The following MYH3 variants were observed in gnomAD, a reference collection of about 807,000 sequenced individuals.
MYH3 encodes the protein myosin heavy chain 3, also known as myosin-3.
MYH3 carries 130 observed loss-of-function variants against 238.0 expected under a neutral mutation model. The ratio of observed to expected loss-of-function variants is 0.55; its 90% CI spans 0.47 to 0.63. The LOEUF is 0.63. Ranked by LOEUF, MYH3 falls within the 30% of genes least tolerant of loss-of-function variation. MYH3 has a pLI of 0.00. For missense variants in MYH3, 1,853 were observed against 2,374.9 expected (o/e 0.78, Z 4.57); for synonymous variants, 880 against 924.1 (o/e 0.95, Z 0.86).
chr17:10,651,306 T>C (rs1407471639), intron 5 of MYH3, among the ~76,000 whole-genome samples: 1 of 152,194 alleles, frequency 6.6e-6, no homozygotes, highest in Non-Finnish European at 1.5e-5. Flanking sequence ...GTTTTGCATA[T>C]TCTAACTTGC....
Position 10,639,449 on chromosome 17 carries a change from G to T in MYH3, c.2951C>A (p.Ser984Tyr). ...NKVKNLTEEL[S>Y]GLDETIAKLT... Reference sequence around the variant, plus strand: ...CTTTGCAATTGTTTCATCTAACCCAGAGAGTTCCTCAGTAAGGTTTTTAAC... The same window carrying T: ...CTTTGCAATTGTTTCATCTAACCCATAGAGTTCCTCAGTAAGGTTTTTAAC... Residue 984 changes from serine to tyrosine, a missense_variant, in exon 24 of 41, where the codon TCT becomes TAT. Around this residue, in one of 3 missense-constraint regions of MYH3, gnomAD observed 1,044 missense variants for 1,192.6 expected, o/e 0.88. Transcript: ENST00000583535. The T allele has an allele frequency of 6.2e-7, 1 of 1,614,036 alleles. No individual in the cohort carries two copies. Among genetic ancestry groups the T allele is most frequent in the Non-Finnish European group, 8.5e-7 (1 of 1,179,988 alleles).
rs1156756134 is a variant in MYH3, at chr17:10,642,079, C to A, written c.1959+161G>T. Reference sequence around the variant, plus strand: ...TACTCTCATCGCACATTGGTTAGACCGTATTTATTATATTTTATCATCTGT... The same window carrying A: ...TACTCTCATCGCACATTGGTTAGACAGTATTTATTATATTTTATCATCTGT... On this transcript the variant is annotated intron_variant, in intron 17 of 40. Coordinates refer to ENST00000583535, the MANE Select transcript of MYH3 (RefSeq NM_002470.4). This position sits in a 1 kb window ranked among gnomAD's most constrained non-coding sequence, Gnocchi z 5.4. Among the ~76,000 whole-genome samples the A allele has an allele frequency of 6.7e-6, 1 of 149,232 alleles. No homozygotes were observed. Among genetic ancestry groups the A allele is most frequent in the Non-Finnish European group, 1.5e-5 (1 of 67,138 alleles).
At position 10,648,496 on chromosome 17, in the gene MYH3, G is replaced by T. The variant is rs2074344532; in HGVS notation, c.735+61C>A. 2.9e-6 allele frequency: 4 copies of T among 1,373,892 alleles called. 1 individual carries two copies. The Admixed American group carries it at 6.7e-5, about 23-fold the overall frequency. 85.1% of individuals were successfully genotyped at this position (1,373,892 alleles called of 1,614,324 possible). A position where few individuals can be genotyped will look rare whatever the true frequency, so the allele number is the denominator to read the frequency against. ...CTGGTCTCTACACTCTTTGAGGACA[G>T]GGCTCTTGCCTATTTTGTGAGGCAC... is the stretch of plus-strand genomic sequence containing the variant. On this transcript the variant is annotated intron_variant, in intron 8 of 40. Coordinates refer to ENST00000583535, the MANE Select transcript of MYH3 (RefSeq NM_002470.4).
chr17:10,670,499 G>C, the MYH3 span, among the ~76,000 whole-genome samples: 2 of 152,086 alleles, frequency 1.3e-5, no homozygotes, highest in African/African-American at 2.4e-5. This position sits in a 1 kb window ranked among gnomAD's most constrained non-coding sequence, Gnocchi z 7.0. Context: ...TTTGAGATGG[G>C]GGTCTCACTG....
rs2074412213 is a variant in MYH3 at position 10,654,759 on chromosome 17, G to A, written c.204+102C>T. ...CATTGTATGCGGCATTCCAGTGCTG[G>A]AACCACATCTGGAAGTGGCTGGGGT... On this transcript the variant is annotated intron_variant, in intron 3 of 40. Coordinates refer to ENST00000583535, the MANE Select transcript of MYH3 (RefSeq NM_002470.4). This position sits in a 1 kb window ranked among gnomAD's most constrained non-coding sequence, Gnocchi z 4.5. 1.8e-6 allele frequency: 2 copies of A among 1,102,802 alleles called. No individual in the cohort carries two copies. The highest frequency in any genetic ancestry group is 2.5e-5 in the South Asian group (2 of 80,522). 68.3% of individuals were successfully genotyped at this position (1,102,802 alleles called of 1,614,324 possible). A position where few individuals can be genotyped will look rare whatever the true frequency, so the allele number is the denominator to read the frequency against.
rs980524451 is a variant in MYH3 at position 10,631,650 on chromosome 17, T to C, written c.5247A>G (p.Ala1749=). Reference sequence around the variant, plus strand: ...TCTTGGCCTTCTCCTCAGCGTTCCTTGCATCCCTGCTGGCATCTTCTACCT... The same window carrying C: ...TCTTGGCCTTCTCCTCAGCGTTCCTCGCATCCCTGCTGGCATCTTCTACCT... ...QSEVEDASRD[A]RNAEEKAKKA... Residue 1749 remains alanine, a synonymous_variant, in exon 36 of 41, where the codon GCA becomes GCG. Coordinates refer to ENST00000583535, the MANE Select transcript of MYH3 (RefSeq NM_002470.4). 1.2e-6 allele frequency: 2 copies of C among 1,614,136 alleles called. No individual in the cohort carries two copies. The highest frequency in any genetic ancestry group is 1.7e-6 in the Non-Finnish European group (2 of 1,180,012).
In MYH3 at chr17:10,654,241, CTTT is replaced by C. The variant is rs1288126084; in HGVS notation, c.204+617_204+619del. Reference sequence around the variant, plus strand: ...TCCATCTCTCTTTCACTCTTTCTTTCTTTTTTCCTTTTTTTGCTTTTTACTTTT... The same window carrying C: ...TCCATCTCTCTTTCACTCTTTCTTTCTTTCCTTTTTTTGCTTTTTACTTTT... On this transcript the variant is annotated intron_variant, in intron 3 of 40. Transcript: ENST00000583535. The surrounding 1 kb of genome is among the most constrained non-coding windows in gnomAD (Gnocchi z 4.5). Among the ~76,000 whole-genome samples, 5 of 145,108 alleles carry C rather than the reference CTTT, an allele frequency of 3.4e-5. No homozygotes were observed. Among genetic ancestry groups the C allele is most frequent in the Non-Finnish European group, 7.5e-5 (5 of 66,346 alleles).
chr17:10,650,892 G>A (rs960269781), intron 5 of MYH3, among the ~76,000 whole-genome samples: 5 of 152,124 alleles, frequency 3.3e-5, no homozygotes, highest in Non-Finnish European at 7.4e-5. Flanking sequence ...TCTCCACTCA[G>A]AATCAGCCAG....
chr17:10,653,896 C>G (rs1400004210), intron 3 of MYH3, among the ~76,000 whole-genome samples: 1 of 152,190 alleles, frequency 6.6e-6, no homozygotes, highest in African/African-American at 2.4e-5. Context: ...TTCTTAGCTC[C>G]TTATTGGAAA....
In MYH3 at chr17:10,646,908, T is replaced by G. The variant is rs527914782; in HGVS notation, c.898+274A>C. On this transcript the variant is annotated intron_variant, in intron 10 of 40. Coordinates refer to ENST00000583535, the MANE Select transcript of MYH3 (RefSeq NM_002470.4). ...ACAAAAAACACAAAAGGTAGCCTGG[T>G]GTGGGGGCATGCACCTGTAGTCGCA... is the stretch of plus-strand genomic sequence containing the variant. 3.9e-5 allele frequency among the ~76,000 whole-genome samples: 6 copies of G among 152,156 alleles called. No homozygotes were observed. In the South Asian group the frequency reaches 1.0e-3, roughly 26 times the overall value.
Position 10,654,634 on chromosome 17 carries a change from ATTGT to A in MYH3, c.204+223_204+226del, listed in dbSNP as rs1205219849. Among the ~76,000 whole-genome samples the A allele has an allele frequency of 6.6e-6, 1 of 152,190 alleles. No homozygotes were observed. Among genetic ancestry groups the A allele is most frequent in the Non-Finnish European group, 1.5e-5 (1 of 68,040 alleles). ...CGTGGACAAAAATACCTGAAAACTAATTGTTTTAATCAGCCACAGCCAGACTCTA... is the reference window on the plus strand; with the variant it reads ...CGTGGACAAAAATACCTGAAAACTAATTTAATCAGCCACAGCCAGACTCTA... On this transcript the variant is annotated intron_variant, in intron 3 of 40. Transcript: ENST00000583535. This position sits in a 1 kb window ranked among gnomAD's most constrained non-coding sequence, Gnocchi z 4.5.
At chr17:10,677,556 T>C in the MYH3 span, 1 of 152,246 alleles carries the variant, frequency 6.6e-6, no homozygotes, top group African/African-American at 2.4e-5. Flanking sequence ...AAGGATCTTA[T>C]GCAGACGCAT....
the MYH3 span, chr17:10,675,798 A>G: frequency 3.3e-5 from 5 of 152,182 alleles, no homozygotes; most frequent in African/African-American, 1.2e-4. Context: ...GTCCAACCTG[A>G]ATAACGCCAC....
chr17:10,649,693 G>C lies in MYH3; in HGVS notation c.534-8C>G, dbSNP rs748384509. ...CCTGCCCCGGATTCTCCGCTGTACAGAGTGATCAAAAGAGAGAGAAAGAAA... is the reference window on the plus strand; with the variant it reads ...CCTGCCCCGGATTCTCCGCTGTACACAGTGATCAAAAGAGAGAGAAAGAAA... On this transcript the variant is annotated splice_region_variant and splice_polypyrimidine_tract_variant and intron_variant, in intron 6 of 40. Transcript: ENST00000583535. 1 of 1,612,408 alleles carries C rather than the reference G, an allele frequency of 6.2e-7. No homozygotes were observed. The highest frequency in any genetic ancestry group is 8.5e-7 in the Non-Finnish European group (1 of 1,178,416).
At position 10,629,738 on chromosome 17, in the gene MYH3, A is replaced by T; in HGVS notation, c.5659-4T>A. The T allele has an allele frequency of 6.2e-7, 1 of 1,614,154 alleles. No homozygotes were observed. The highest frequency in any genetic ancestry group is 8.5e-7 in the Non-Finnish European group (1 of 1,180,040). ...GATGAGCATTGGCTTGTTCATCCTA[A>T]AACCAAAGAGCCCAGGCAGGTTATA... On this transcript the variant is annotated splice_polypyrimidine_tract_variant and splice_region_variant and intron_variant, in intron 39 of 40. Transcript: ENST00000583535.
intron 14 of MYH3, 39 bp downstream of exon 14, chr17:10,644,312 A>G (rs1363345032): frequency 1.2e-6 from 2 of 1,601,380 alleles, no homozygotes; most frequent in African/African-American, 1.3e-5. Context: ...TTTCCCTCAT[A>G]TGAAGCCATA....
In MYH3 at chr17:10,639,483, A is replaced by C; in HGVS notation, c.2926-9T>G. On this transcript the variant is annotated splice_polypyrimidine_tract_variant and intron_variant, in intron 23 of 40. Transcript: ENST00000583535. ...TCAGTAAGGTTTTTAACCTAAGAAG[A>C]ATTCGCAAGCAATTATAAGCTTAAA... 1 of 1,614,100 alleles carries C rather than the reference A, an allele frequency of 6.2e-7. No individual in the cohort carries two copies. The highest frequency in any genetic ancestry group is 1.1e-5 in the South Asian group (1 of 91,084).
At chr17:10,657,519 G>A (rs1232669716), upstream of MYH3, among the ~76,000 whole-genome samples, 1 of 152,188 alleles carries the variant, frequency 6.6e-6, no homozygotes, top group East Asian at 1.9e-4. Flanking sequence ...CAGGAGCTTG[G>A]GATGCCTTTC....
rs111446852 is a variant in MYH3 at position 10,639,797 on chromosome 17, G to C, written c.2688C>G (p.Ser896Arg). Reference protein sequence around the residue: ...NDLQLQVQAESENLLDAEERC... With the variant: ...NDLQLQVQAERENLLDAEERC... ...TTTCCTCAGCATCCAACAAATTTTCGCTTTCCTTAAAAAAAAAAGAATAAT... is the reference window on the plus strand; with the variant it reads ...TTTCCTCAGCATCCAACAAATTTTCCCTTTCCTTAAAAAAAAAAGAATAAT... The change falls in exon 23 of 41, where the codon AGC becomes AGG. Residue 896 changes from serine (S) to arginine (R), a missense_variant. This residue lies in a region of MYH3 where 678 missense variants were observed against 1,058.9 expected (regional missense o/e 0.64). Coordinates refer to ENST00000583535, the MANE Select transcript of MYH3 (RefSeq NM_002470.4). 5.0e-6 allele frequency: 8 copies of C among 1,613,008 alleles called. No homozygotes were observed. The Admixed American group carries it at 1.3e-4, about 27-fold the overall frequency.
Sources: allele counts gnomAD v4.1 joint callset (sites outside exome capture counted in the v4.1 genomes callset), GRCh38; gene constraint gnomAD v4.1.1; regional missense constraint gnomAD v4.1.1; non-coding constraint Gnocchi (gnomAD v3.1); transcripts MANE v1.5; gene names NCBI Gene and HGNC (gene_info 2026-07-23, HGNC 2026-07-21).